Variants in BCL2L14 observed in about 807,000 individuals in gnomAD.
The protein encoded by BCL2L14 is BCL2 like 14, also known as apoptosis facilitator Bcl-2-like protein 14.
A neutral mutation model predicts 35.3 loss-of-function variants in BCL2L14; 27 were observed. That is an observed-to-expected ratio of 0.76 (90% confidence interval 0.56 to 1.05). The LOEUF (loss-of-function observed/expected upper bound fraction) is 1.05, where lower values mean the gene tolerates loss of function less well. Among genes scored for constraint, BCL2L14 ranks in the 50% least tolerant of loss-of-function variants. The pLI is 0.00. For synonymous variants in BCL2L14, 139 were observed against 145.9 expected (o/e 0.95, Z 0.34); for missense variants, 377 against 382.6 (o/e 0.99, Z 0.12).
At position 12,098,462 on chromosome 12, in the gene BCL2L14, C is replaced by T. The variant is rs187164241; in HGVS notation, c.946-488C>T. On this transcript the variant is annotated intron_variant, in intron 5 of 5. Coordinates refer to ENST00000308721, the MANE Select transcript of BCL2L14 (RefSeq NM_138723.2). ...AGATGTTCAGCCAGTACTTGTAGAA[C>T]GGTGAATGAATCGATCAAATGAATG... Among the ~76,000 whole-genome samples, 6 of 152,250 alleles carry T rather than the reference C, an allele frequency of 3.9e-5. 1 individual carries two copies. Among genetic ancestry groups the T allele is most frequent in the Admixed American group, 3.3e-4 (5 of 15,290 alleles).
chr12:12,066,349 G>C (rs1399532004), upstream of BCL2L14, among the ~76,000 whole-genome samples: 1 of 152,144 alleles, frequency 6.6e-6, no homozygotes, highest in African/African-American at 2.4e-5. Flanking sequence ...TCAAACCCCA[G>C]AGTAATCTGG....
chr12:12,093,530 C>T (rs1174232604), intron 4 of BCL2L14, among the ~76,000 whole-genome samples: 1 of 152,146 alleles, frequency 6.6e-6, no homozygotes, highest in Non-Finnish European at 1.5e-5. Context: ...CAGTGGCCCA[C>T]ACCTGTAATC....
chr12:12,076,641 G>C (rs1437534749), intron 1 of BCL2L14, among the ~76,000 whole-genome samples: 1 of 152,170 alleles, frequency 6.6e-6, no homozygotes, highest in Non-Finnish European at 1.5e-5. Context: ...TGATGTTGCA[G>C]CATAGCCCGC....
chr12:12,073,385 C>G (rs1948709260), intron 1 of BCL2L14, among the ~76,000 whole-genome samples: 2 of 152,286 alleles, frequency 1.3e-5, no homozygotes, highest in East Asian at 3.9e-4. Context: ...GGCCAAGTCA[C>G]AGCCTTTCTG....
Position 12,094,693 on chromosome 12 carries a change from C to A in BCL2L14, c.708C>A (p.His236Gln). 2 of 1,614,242 alleles carry A rather than the reference C, an allele frequency of 1.2e-6. No homozygotes were observed. Among genetic ancestry groups the A allele is most frequent in the Non-Finnish European group, 1.7e-6 (2 of 1,180,044 alleles). Residue 236 changes from histidine to glutamine, a missense_variant, in exon 5 of 6, where the codon CAC (histidine) becomes CAA (glutamine). Transcript: ENST00000308721. ...KLKKDKALMG[H>Q]FQDGLSYSVF... ...AGAAAGATAAGGCTTTGATGGGCCACTTCCAGGATGGGCTGTCCTACTCTG... is the reference window on the plus strand; with the variant it reads ...AGAAAGATAAGGCTTTGATGGGCCAATTCCAGGATGGGCTGTCCTACTCTG...
intron 3 of BCL2L14, among the ~76,000 whole-genome samples, chr12:12,088,956 G>C (rs1949108778): frequency 6.6e-6 from 1 of 152,188 alleles, no homozygotes; most frequent in Non-Finnish European, 1.5e-5. Flanking sequence ...CCTAAACCAA[G>C]CTAAAGCTAA....
At chr12:12,066,963 G>A (rs973153346), upstream of BCL2L14, among the ~76,000 whole-genome samples, 3 of 152,106 alleles carry the variant, frequency 2.0e-5, no homozygotes, top group African/African-American at 7.2e-5. Context: ...ACCTGCCTTG[G>A]CCTCCCAAAG....
At chr12:12,084,461 C>A (rs118037557) in intron 2 of BCL2L14, among the ~76,000 whole-genome samples, 1,920 of 152,208 alleles carry the variant, frequency 0.013, 20 homozygotes, top group Non-Finnish European at 0.021. Flanking sequence ...GGAAGTCACA[C>A]CCCAACCCCC....
At chr12:12,058,187 G>A (rs1210200231) in intron 2 of BCL2L14, among the ~76,000 whole-genome samples, 1 of 150,852 alleles carries the variant, frequency 6.6e-6, no homozygotes, top group Non-Finnish European at 1.5e-5. Flanking sequence ...CTTGACCTCA[G>A]GTGATCTGCC....
intron 2 of BCL2L14, among the ~76,000 whole-genome samples, chr12:12,084,468 C>A (rs1200628836): frequency 6.6e-6 from 1 of 152,074 alleles, no homozygotes. Flanking sequence ...ACACCCCAAC[C>A]CCCTGCCCTT....
intron 3 of BCL2L14, 84 bp downstream of exon 3, chr12:12,087,470 A>G: frequency 6.9e-7 from 1 of 1,448,582 alleles, no homozygotes; most frequent in African/African-American, 1.4e-5. Context: ...GGGCTCGGCA[A>G]CTTGACAGTC....
intron 3 of BCL2L14, among the ~76,000 whole-genome samples, chr12:12,088,532 A>G (rs1565481135): frequency 6.6e-6 from 1 of 152,196 alleles, no homozygotes; most frequent in Non-Finnish European, 1.5e-5. Flanking sequence ...TTCACTGTGC[A>G]AGCTTTTAGC....
At chr12:12,079,844 T>A in intron 2 of BCL2L14, 106 bp downstream of exon 2, 2 of 1,142,870 alleles carry the variant, frequency 1.7e-6, no homozygotes, top group East Asian at 4.7e-5. Context: ...AGAGAAGGCA[T>A]GCGTTGTGCC....
At chr12:12,051,318 T>G (rs1023308774) in intron 1 of BCL2L14, among the ~76,000 whole-genome samples, 1 of 152,308 alleles carries the variant, frequency 6.6e-6, no homozygotes, top group Middle Eastern at 3.4e-3. Flanking sequence ...AGGTACCCCA[T>G]GCGTCTGCTG....
chr12:12,096,852 C>G (rs577199099), intron 5 of BCL2L14, among the ~76,000 whole-genome samples: 1 of 152,280 alleles, frequency 6.6e-6, no homozygotes, highest in African/African-American at 2.4e-5. Flanking sequence ...ATGAAGTTAC[C>G]AATTCCAGGG....
intron 5 of BCL2L14, among the ~76,000 whole-genome samples, chr12:12,097,309 GATGA>G (rs1399041560): frequency 7.2e-5 from 11 of 152,180 alleles, no homozygotes; most frequent in African/African-American, 2.4e-4. Context: ...ACTGATGAAT[GATGA>G]ATGGATAAGG....
chr12:12,089,376 A>C (rs1022435481), intron 3 of BCL2L14, among the ~76,000 whole-genome samples: 3 of 148,786 alleles, frequency 2.0e-5, no homozygotes, highest in Non-Finnish European at 4.5e-5. Flanking sequence ...TCTCAATAAA[A>C]AAAAAAAAAA....
chr12:12,074,430 CCTTTTT>C (rs1948736021), intron 1 of BCL2L14, among the ~76,000 whole-genome samples: 1 of 152,020 alleles, frequency 6.6e-6, no homozygotes, highest in Admixed American at 6.6e-5. Context: ...AAGATATGTA[CCTTTTT>C]CTTTTTTTCT....
chr12:12,058,056 T>C (rs1948459365), intron 2 of BCL2L14, among the ~76,000 whole-genome samples: 1 of 151,396 alleles, frequency 6.6e-6, no homozygotes, highest in Non-Finnish European at 1.5e-5. Context: ...CAAGCAATTC[T>C]TTTGCCTCGG....
Sources: allele counts gnomAD v4.1 joint callset (sites outside exome capture counted in the v4.1 genomes callset), GRCh38; gene constraint gnomAD v4.1.1; transcripts MANE v1.5; gene names NCBI Gene and HGNC (gene_info 2026-07-23, HGNC 2026-07-21).